The following SEL1L3 variants were observed in gnomAD, a reference collection of about 807,000 sequenced individuals.
SEL1L3 encodes the protein SEL1L family member 3, also known as protein sel-1 homolog 3.
Under a neutral mutation model 142.8 loss-of-function variants are expected in SEL1L3, and 76 were observed. The observed-to-expected ratio is 0.53, with a 90% confidence interval of 0.44 to 0.64. The LOEUF (loss-of-function observed/expected upper bound fraction) is 0.64. Among genes scored for constraint, SEL1L3 ranks in the 30% least tolerant of loss-of-function variants. SEL1L3 has a pLI of 0.00. For missense variants in SEL1L3, 1,262 were observed against 1,381.7 expected, an observed-to-expected ratio of 0.91 and a Z score of 1.37; for synonymous variants, 504 against 519.6, an observed-to-expected ratio of 0.97 and a Z score of 0.41.
the SEL1L3 span, among the ~76,000 whole-genome samples, chr4:25,722,554 A>G: frequency 1.3e-5 from 2 of 151,588 alleles, no homozygotes; most frequent in Non-Finnish European, 2.9e-5. Flanking sequence ...GAGTCTTTCC[A>G]TAAGGTAAGA....
At chr4:25,832,728 C>T (rs1310605199) in intron 5 of SEL1L3, among the ~76,000 whole-genome samples, 1 of 152,230 alleles carries the variant, frequency 6.6e-6, no homozygotes, top group Non-Finnish European at 1.5e-5. Context: ...TTGCTCAGAT[C>T]AGTATGGCTG....
At position 25,765,386 on chromosome 4, in the gene SEL1L3, T is replaced by A; in HGVS notation, c.2895A>T (p.Ser965=). The part of the protein sequence containing the change: ...DLYYYGHQNQ[S]QDLELSVQMY... ...TCTGCACAGACAACTCCAGGTCTTGTGACTGGTTTTGGTGGCCATAGTAGT... is the reference window on the plus strand; with the variant it reads ...TCTGCACAGACAACTCCAGGTCTTGAGACTGGTTTTGGTGGCCATAGTAGT... The change falls in exon 20 of 24, where the codon TCA becomes TCT. Residue 965 remains serine, a synonymous_variant. Transcript: ENST00000399878. The A allele has an allele frequency of 6.2e-7, 1 of 1,613,952 alleles. No homozygotes were observed. Among genetic ancestry groups the A allele is most frequent in the Non-Finnish European group, 8.5e-7 (1 of 1,179,832 alleles).
chr4:25,812,756 T>C (rs892548693), intron 9 of SEL1L3, among the ~76,000 whole-genome samples: 3 of 135,090 alleles, frequency 2.2e-5, no homozygotes, highest in African/African-American at 8.5e-5. Context: ...CTCATGCCTA[T>C]AATCCCAGCA....
intron 17 of SEL1L3, among the ~76,000 whole-genome samples, chr4:25,774,725 G>C (rs2109154267): frequency 6.6e-6 from 1 of 152,304 alleles, no homozygotes; most frequent in East Asian, 1.9e-4. Flanking sequence ...GGGCGTGGTG[G>C]TGGGCACCTG....
chr4:25,786,418 A>C (rs1392648869), intron 13 of SEL1L3, among the ~76,000 whole-genome samples: 1 of 152,146 alleles, frequency 6.6e-6, no homozygotes, highest in Non-Finnish European at 1.5e-5. Context: ...CTCTGCAAAA[A>C]AGTCTTACGG....
intron 2 of SEL1L3, among the ~76,000 whole-genome samples, chr4:25,847,015 C>A (rs181777628): frequency 3.8e-4 from 58 of 151,814 alleles, no homozygotes; most frequent in Admixed American, 1.4e-3. Flanking sequence ...ATACTCCTTT[C>A]CAGCTTAAAG....
At chr4:25,727,717 G>A in the SEL1L3 span, among the ~76,000 whole-genome samples, 1 of 152,054 alleles carries the variant, frequency 6.6e-6, no homozygotes, top group African/African-American at 2.4e-5. Flanking sequence ...GAATAGGACA[G>A]GGGCTTCACA....
At chr4:25,774,401 T>C (rs534965252) in intron 17 of SEL1L3, among the ~76,000 whole-genome samples, 1 of 152,206 alleles carries the variant, frequency 6.6e-6, no homozygotes, top group African/African-American at 2.4e-5. Context: ...AGGTCTCCTT[T>C]CTCCTTCCCC....
the SEL1L3 span, among the ~76,000 whole-genome samples, chr4:25,714,218 C>T: frequency 0.12 from 18,693 of 152,020 alleles, 1,187 homozygotes; most frequent in Admixed American, 0.16. Context: ...TAGCTGAAGC[C>T]CCATGGGACC....
At chr4:25,854,865 G>C (rs1463265540) in intron 1 of SEL1L3, among the ~76,000 whole-genome samples, 1 of 152,232 alleles carries the variant, frequency 6.6e-6, no homozygotes, top group Non-Finnish European at 1.5e-5. Context: ...TGGATTGTTT[G>C]ACAAGTAGGA....
At chr4:25,862,592 G>A in intron 1 of SEL1L3, 83 bp downstream of exon 1, 2 of 678,816 alleles carry the variant, frequency 2.9e-6, no homozygotes, top group Non-Finnish European at 4.0e-6. Context: ...CCCGCCCCGC[G>A]TGGCGGGTGT....
rs151082886 is a variant in SEL1L3, at chr4:25,847,400, C to T, written c.627G>A (p.Pro209=). The stretch of plus-strand genomic sequence containing the variant: ...GATCTTTGAAAGGGCGTTCAAAAGG[C>T]GGGATGGTCTGCAGGAGGGTATAAT... ...AKNYTLLQTI[P]PFERPFKDHQ... The change falls in exon 2 of 24, where the codon CCG becomes CCA. Residue 209 remains proline (P), a synonymous_variant. Coordinates refer to ENST00000399878, the MANE Select transcript of SEL1L3 (RefSeq NM_015187.5). The T allele has an allele frequency of 5.6e-5, 90 of 1,613,962 alleles. No individual in the cohort carries two copies. The highest frequency in any genetic ancestry group is 7.5e-5 in the Non-Finnish European group (89 of 1,179,878).
In SEL1L3 at chr4:25,765,411, T is replaced by C; in HGVS notation, c.2870A>G (p.Tyr957Cys). ...SFAYLKMGDL[Y>C]YYGHQNQSQD... Reference sequence around the variant, plus strand: ...TGACTGGTTTTGGTGGCCATAGTAGTAAAGGTCTCCCATCTTCAAATATGC... The same window carrying C: ...TGACTGGTTTTGGTGGCCATAGTAGCAAAGGTCTCCCATCTTCAAATATGC... The change falls in exon 20 of 24, where the codon TAC (tyrosine) becomes TGC (cysteine). Residue 957 changes from tyrosine to cysteine, a missense_variant. Around this residue, in one of 3 missense-constraint regions of SEL1L3, gnomAD observed 435 missense variants for 559.2 expected, o/e 0.78. Transcript: ENST00000399878. 1 of 1,612,770 alleles carries C rather than the reference T, an allele frequency of 6.2e-7. No homozygotes were observed. Among genetic ancestry groups the C allele is most frequent in the Non-Finnish European group, 8.5e-7 (1 of 1,178,772 alleles).
At position 25,831,507 on chromosome 4, in the gene SEL1L3, AATAATTATT is replaced by A. The variant is rs1387345316; in HGVS notation, c.1099-1360_1099-1352del. 9.1e-3 allele frequency among the ~76,000 whole-genome samples: 1,018 copies of A among 112,138 alleles called. 13 individuals are homozygous for A. Among genetic ancestry groups the A allele is most frequent in the African/African-American group, 0.032 (742 of 22,996 alleles). The allele number at this position is 112,138 out of a possible 152,430, so 73.6% of individuals were successfully genotyped here. A position where few individuals can be genotyped will look rare whatever the true frequency, so the allele number is the denominator to read the frequency against. ...ATTATTTTTAAATAATAATAATAAT[AATAATTATT>A]ATTATTATTATTATTATTATTATTA... On this transcript the variant is annotated intron_variant, in intron 5 of 23. Transcript: ENST00000399878.
intron 1 of SEL1L3, among the ~76,000 whole-genome samples, chr4:25,851,215 G>A (rs1716870247): frequency 6.6e-6 from 1 of 152,214 alleles, no homozygotes; most frequent in Non-Finnish European, 1.5e-5. Context: ...CACTGAAAGT[G>A]TAAATTGCAA....
chr4:25,862,408 G>A (rs1225769938), intron 1 of SEL1L3, among the ~76,000 whole-genome samples: 2 of 152,102 alleles, frequency 1.3e-5, no homozygotes, highest in East Asian at 1.9e-4. Context: ...GGTCTCGAGG[G>A]TAACCCGACC....
intron 5 of SEL1L3, among the ~76,000 whole-genome samples, chr4:25,830,495 A>C (rs1336883134): frequency 6.6e-6 from 1 of 152,218 alleles, no homozygotes; most frequent in Non-Finnish European, 1.5e-5. Flanking sequence ...CACTACAAGG[A>C]GTGTTTAAAA....
chr4:25,820,250 C>T (rs1442007891), intron 7 of SEL1L3, among the ~76,000 whole-genome samples: 7 of 152,180 alleles, frequency 4.6e-5, no homozygotes, highest in Non-Finnish European at 8.8e-5. Context: ...TCACACTCAC[C>T]TCCCCCTTCA....
Position 25,804,648 on chromosome 4 carries a change from T to C in SEL1L3, c.1669A>G (p.Ile557Val), listed in dbSNP as rs200857886. 2.7e-4 allele frequency: 435 copies of C among 1,613,622 alleles called. 1 individual carries two copies. Among genetic ancestry groups the C allele is most frequent in the Non-Finnish European group, 3.3e-4 (384 of 1,179,612 alleles). Reference protein sequence around the residue: ...SIDGLHQISSIVPFLTDSSCC... With the variant: ...SIDGLHQISSVVPFLTDSSCC... ...CTGGAATCCGTCAGAAAGGGGACGA[T>C]AGAGCTAATTTGGTGAAGACCATCA... Residue 557 changes from isoleucine (I) to valine (V), a missense_variant, in exon 10 of 24, where the codon ATC becomes GTC. By Grantham distance (29) the Ile-to-Val change is conservative. This residue lies in a region of SEL1L3 where 689 missense variants were observed against 692.8 expected (regional missense o/e 0.99). Transcript: ENST00000399878.
Sources: allele counts gnomAD v4.1 joint callset (sites outside exome capture counted in the v4.1 genomes callset), GRCh38; gene constraint gnomAD v4.1.1; regional missense constraint gnomAD v4.1.1; transcripts MANE v1.5; gene names NCBI Gene and HGNC (gene_info 2026-07-23, HGNC 2026-07-21).